Variants in ZNF862 observed in about 807,000 individuals in gnomAD.
ZNF862 encodes zinc finger protein 862.
In ZNF862, 64 loss-of-function variants were observed where a neutral mutation model predicts 91.1. The ratio of observed to expected loss-of-function variants is 0.70; its 90% confidence interval spans 0.57 to 0.87. ZNF862 has a LOEUF of 0.87. Ranked by LOEUF, ZNF862 falls within the 40% of genes least tolerant of loss-of-function variation. The probability of loss-of-function intolerance (pLI) is 0.00; values close to 1 mark genes in which losing one functional copy is unlikely to be tolerated. For synonymous variants in ZNF862, 631 were observed against 618.1 expected (o/e 1.02, Z -0.31); for missense variants, 1,459 against 1,528.0 (o/e 0.95, Z 0.75).
rs1802713805 is a variant in ZNF862 at position 149,866,157 on chromosome 7, T to C, written c.*1873T>C. The C allele has an allele frequency of 6.6e-6, 1 of 152,386 alleles. No homozygotes were observed. The highest frequency in any genetic ancestry group is 2.4e-5 in the African/African-American group (1 of 41,566). 9.4% of individuals were successfully genotyped at this position (152,386 alleles called of 1,614,324 possible). A position where few individuals can be genotyped will look rare whatever the true frequency, so the allele number is the denominator to read the frequency against. On this transcript the variant is annotated 3_prime_UTR_variant, in exon 8 of 8. Transcript: ENST00000223210. ...CAGTTCTAGTCAGGAATTCCTTTCT[T>C]GCTTTCTGCCTTTGACCTGTGGAAA...
rs548885297 is a variant in ZNF862 at position 149,864,353 on chromosome 7, T to C, written c.*69T>C. ...TCACTGGGACAGGCTCTGCAGATTCTAGGCTGCCCTAGGATCTTCTGCTGG... is the reference window on the plus strand; with the variant it reads ...TCACTGGGACAGGCTCTGCAGATTCCAGGCTGCCCTAGGATCTTCTGCTGG... On this transcript the variant is annotated 3_prime_UTR_variant, in exon 8 of 8. Transcript: ENST00000223210. 1.4e-6 allele frequency: 2 copies of C among 1,460,906 alleles called. No individual in the cohort carries two copies. Among genetic ancestry groups the C allele is most frequent in the African/African-American group, 2.8e-5 (2 of 70,756 alleles). The allele number at this position is 1,460,906 out of a possible 1,614,324, so 90.5% of individuals were successfully genotyped here. A position where few individuals can be genotyped will look rare whatever the true frequency, so the allele number is the denominator to read the frequency against.
At chr7:149,856,804 C>G (rs950860891) in intron 5 of ZNF862, among the ~76,000 whole-genome samples, 26 of 152,198 alleles carry the variant, frequency 1.7e-4, no homozygotes, top group Admixed American at 1.4e-3. Context: ...AGTGTACATC[C>G]TCCAGTGGCT....
intron 1 of ZNF862, among the ~76,000 whole-genome samples, chr7:149,842,257 T>C (rs759279218): frequency 6.6e-6 from 1 of 152,156 alleles, no homozygotes; most frequent in East Asian, 1.9e-4. Flanking sequence ...TAAAATGATA[T>C]GAATCTGGCT....
intron 6 of ZNF862, chr7:149,860,008 C>T (rs1000796494): frequency 7.0e-6 from 2 of 285,064 alleles, no homozygotes; most frequent in Non-Finnish European, 1.3e-5. Flanking sequence ...AGGTGTTTAA[C>T]CTATTCTATT....
intron 2 of ZNF862, 25 bp from the exon 3 acceptor site, chr7:149,846,126 C>G: frequency 1.3e-6 from 2 of 1,531,428 alleles, no homozygotes; most frequent in Non-Finnish European, 1.8e-6. Context: ...CTCTCTCTCG[C>G]TCTCTTTTTT....
intron 1 of ZNF862, chr7:149,840,950 T>G: frequency 1.0e-6 from 1 of 985,418 alleles, no homozygotes; most frequent in South Asian, 4.7e-5. Flanking sequence ...AGGAGAAACC[T>G]GATTCCGTGT....
In ZNF862 at chr7:149,866,045, T is replaced by C. The variant is rs2373465; in HGVS notation, c.*1761T>C. ...AGATGCTGGCGTCCGAGCCCCTCCC[T>C]GGTACCGCAGGTACCCTGGTACCCC... On this transcript the variant is annotated 3_prime_UTR_variant, in exon 8 of 8. Coordinates refer to ENST00000223210, the MANE Select transcript of ZNF862 (RefSeq NM_001099220.3). 93,150 of 151,750 alleles carry C rather than the reference T, an allele frequency of 0.61. 29,138 individuals are homozygous for C. The highest frequency in any genetic ancestry group is 0.7 in the African/African-American group (28,727 of 41,246). 9.4% of individuals were successfully genotyped at this position (151,750 alleles called of 1,614,324 possible). A position where few individuals can be genotyped will look rare whatever the true frequency, so the allele number is the denominator to read the frequency against.
rs1802034436 is a variant in ZNF862 at position 149,850,484 on chromosome 7, T to C, written c.1117+146T>C. The C allele has an allele frequency of 2.6e-6, 2 of 783,928 alleles. No homozygotes were observed. Among genetic ancestry groups the C allele is most frequent in the Admixed American group, 5.9e-5 (2 of 33,786 alleles). 48.6% of individuals were successfully genotyped at this position (783,928 alleles called of 1,614,324 possible). A position where few individuals can be genotyped will look rare whatever the true frequency, so the allele number is the denominator to read the frequency against. On this transcript the variant is annotated intron_variant, in intron 5 of 7. Transcript: ENST00000223210. This position sits in a 1 kb window ranked among gnomAD's most constrained non-coding sequence, Gnocchi z 4.2. ...GATCCTGTCTTTTGCACCTCATAAC[T>C]CCCCTGCTTGGGGTAACTGTGCTTT... is the stretch of plus-strand genomic sequence containing the variant.
At chr7:149,839,672 A>G (rs1363795383) in intron 1 of ZNF862, among the ~76,000 whole-genome samples, 1 of 152,084 alleles carries the variant, frequency 6.6e-6, no homozygotes, top group East Asian at 1.9e-4. Context: ...CTGAATTTCA[A>G]AAGAGGTGAT....
chr7:149,858,337 C>A (rs927019436), intron 5 of ZNF862: 2 of 152,052 alleles, frequency 1.3e-5, no homozygotes, highest in Non-Finnish European at 2.9e-5. Context: ...ATTTTTATTC[C>A]TTTGCCCTCA....
chr7:149,849,480 T>G (rs1321803683), intron 4 of ZNF862, among the ~76,000 whole-genome samples: 1 of 152,228 alleles, frequency 6.6e-6, no homozygotes, highest in African/African-American at 2.4e-5. Context: ...TCTCACCTAT[T>G]GCATAGAAGT....
intron 5 of ZNF862, chr7:149,858,939 G>A (rs1425834718): frequency 8.1e-6 from 1 of 124,106 alleles, no homozygotes; most frequent in African/African-American, 3.5e-5. Context: ...AGGGGCACAC[G>A]CGTGGGCCAG....
At position 149,861,076 on chromosome 7, in the gene ZNF862, G is replaced by T. The variant is rs750426543; in HGVS notation, c.1916G>T (p.Cys639Phe). ...TCCACCGACGCCTCCGAGCAGGCCT[G>T]CGTGGGGATTTACATCCGCTACTTC... ...DSSTDASEQA[C>F]VGIYIRYFKQ... Residue 639 changes from cysteine (C) to phenylalanine (F), a missense_variant, in exon 7 of 8, where the codon TGC becomes TTC. Transcript: ENST00000223210. This position sits in a 1 kb window ranked among gnomAD's most constrained non-coding sequence, Gnocchi z 6.7. 6.2e-7 allele frequency: 1 copy of T among 1,612,834 alleles called. No individual in the cohort carries two copies.
intron 5 of ZNF862, 65 bp from the exon 6 acceptor site, chr7:149,859,357 C>T (rs1415152483): frequency 1.5e-6 from 2 of 1,373,760 alleles, no homozygotes; most frequent in East Asian, 5.0e-5. Context: ...CTGGGTCTAG[C>T]TTGAGGGGGC....
intron 4 of ZNF862, among the ~76,000 whole-genome samples, chr7:149,848,938 C>T (rs1227803037): frequency 6.6e-6 from 1 of 152,086 alleles, no homozygotes; most frequent in Non-Finnish European, 1.5e-5. Context: ...GTAGCTGGGA[C>T]CACAGGTGTG....
chr7:149,861,397 G>A lies in ZNF862; in HGVS notation c.2237G>A (p.Cys746Tyr), dbSNP rs199676881. ...GGGAGCATCGATCTGGTGAAGAAGT[G>A]TGACCGGCACATCCGCACCGTCTTC... ...ACGSIDLVKKCDRHIRTVFKF... is the reference protein window; with the variant it reads ...ACGSIDLVKKYDRHIRTVFKF... Residue 746 changes from cysteine (C) to tyrosine (Y), a missense_variant, in exon 7 of 8, where the codon TGT (cysteine) becomes TAT (tyrosine). By Grantham distance (194) the Cys-to-Tyr change is radical (BLOSUM62 -2). Coordinates refer to ENST00000223210, the MANE Select transcript of ZNF862 (RefSeq NM_001099220.3). This position sits in a 1 kb window ranked among gnomAD's most constrained non-coding sequence, Gnocchi z 6.7. The A allele has an allele frequency of 3.7e-6, 6 of 1,613,188 alleles. No individual in the cohort carries two copies. Among genetic ancestry groups the A allele is most frequent in the East Asian group, 2.2e-5 (1 of 44,882 alleles).
rs1157705700 is a variant in ZNF862 at position 149,862,080 on chromosome 7, A to G, written c.2920A>G (p.Arg974Gly). Reference protein sequence around the residue: ...FGNDDILNLARYFECSLPTGY... With the variant: ...FGNDDILNLAGYFECSLPTGY... ...GAATGATGACATTCTCAACCTGGCCAGGTATTTCGAGTGCTCCCTCCCAAC... is the reference window on the plus strand; with the variant it reads ...GAATGATGACATTCTCAACCTGGCCGGGTATTTCGAGTGCTCCCTCCCAAC... The change falls in exon 7 of 8, where the codon AGG becomes GGG. Residue 974 changes from arginine (R) to glycine (G), a missense_variant. By Grantham distance (125) the Arg-to-Gly change is moderately radical. Transcript: ENST00000223210. 7 of 1,613,712 alleles carry G rather than the reference A, an allele frequency of 4.3e-6. No individual in the cohort carries two copies. The highest frequency in any genetic ancestry group is 5.9e-6 in the Non-Finnish European group (7 of 1,179,894).
At chr7:149,853,061 G>C (rs1479544271) in intron 5 of ZNF862, among the ~76,000 whole-genome samples, 1 of 152,222 alleles carries the variant, frequency 6.6e-6, no homozygotes, top group Non-Finnish European at 1.5e-5. Context: ...AGAGAAAGAA[G>C]AACCAAGGTG....
chr7:149,846,341 C>A, intron 3 of ZNF862, 86 bp downstream of exon 3: 1 of 1,027,924 alleles, frequency 9.7e-7, no homozygotes, highest in South Asian at 1.4e-5. Context: ...ATCCTCTGCC[C>A]TTCCTGTTCT....
Sources: allele counts gnomAD v4.1 joint callset (sites outside exome capture counted in the v4.1 genomes callset), GRCh38; gene constraint gnomAD v4.1.1; non-coding constraint Gnocchi (gnomAD v3.1); transcripts MANE v1.5; gene names NCBI Gene and HGNC (gene_info 2026-07-23, HGNC 2026-07-21).